MYO9A: variants seen among roughly 807,000 people sequenced by gnomAD.
The protein encoded by MYO9A is myosin IXA.
Under a neutral mutation model 293.3 loss-of-function variants are expected in MYO9A, and 103 were observed. The ratio of observed to expected loss-of-function variants is 0.35; its 90% confidence interval spans 0.30 to 0.41. The LOEUF is 0.41. Among genes scored for constraint, MYO9A ranks in the 10% least tolerant of loss-of-function variants. The pLI, the probability that MYO9A is intolerant of heterozygous loss-of-function variation, is 1.00. For synonymous variants in MYO9A, 1,001 were observed against 1,035.7 expected (o/e 0.97, Z 0.64); for missense variants, 2,685 against 3,033.0 (o/e 0.89, Z 2.69).
At chr15:71,862,889 G>C (rs944827372) in intron 32 of MYO9A, among the ~76,000 whole-genome samples, 5 of 150,926 alleles carry the variant, frequency 3.3e-5, no homozygotes, top group African/African-American at 9.7e-5. Flanking sequence ...TACATTAAAA[G>C]CAGCAGTTCT....
intron 16 of MYO9A, among the ~76,000 whole-genome samples, chr15:71,936,725 T>C (rs1337915036): frequency 1.3e-4 from 20 of 152,070 alleles, no homozygotes; most frequent in Admixed American, 5.2e-4. Context: ...AGAGCATTTA[T>C]TCAAGATATA....
intron 2 of MYO9A, 57 bp from the exon 3 acceptor site, chr15:72,032,645 A>AGG: frequency 8.9e-7 from 1 of 1,120,736 alleles, no homozygotes; most frequent in Non-Finnish European, 1.3e-6. Context: ...TTTTTTTTGG[A>AGG]GGGGGGATTA....
rs992709633 is a variant in MYO9A at position 71,904,157 on chromosome 15, A to T, written c.2767-118T>A. The T allele has an allele frequency of 3.9e-5, 31 of 785,154 alleles. No individual in the cohort carries two copies. In the African/African-American group the frequency reaches 5.2e-4, roughly 13 times the overall value. 48.6% of individuals were successfully genotyped at this position (785,154 alleles called of 1,614,324 possible). A position where few individuals can be genotyped will look rare whatever the true frequency, so the allele number is the denominator to read the frequency against. On this transcript the variant is annotated intron_variant, in intron 20 of 41. Transcript: ENST00000356056. ...ATTGACTGGAGGTTGTCTGGTTAAC[A>T]TATACAGTAACTAAGTATATTAAGG...
intron 1 of MYO9A, among the ~76,000 whole-genome samples, chr15:72,079,034 A>G (rs1029236861): frequency 3.3e-5 from 5 of 152,190 alleles, no homozygotes; most frequent in African/African-American, 1.2e-4. Context: ...ATGATACTGT[A>G]ACGGTACAGA....
chr15:72,059,371 T>TAA (rs1420591592), intron 1 of MYO9A, among the ~76,000 whole-genome samples: 1 of 152,204 alleles, frequency 6.6e-6, no homozygotes, highest in Non-Finnish European at 1.5e-5. Context: ...GCACATTTCT[T>TAA]AGAGGGCTTG....
intron 2 of MYO9A, among the ~76,000 whole-genome samples, chr15:72,039,057 T>C (rs1455618758): frequency 1.3e-5 from 2 of 152,126 alleles, no homozygotes; most frequent in Non-Finnish European, 2.9e-5. Flanking sequence ...ATAGATACAA[T>C]GTGCAGTGGG....
Position 72,100,918 on chromosome 15 carries a change from TG to T in MYO9A, c.-72+16761del, listed in dbSNP as rs557887276. Among the ~76,000 whole-genome samples, 237 of 87,060 alleles carry T rather than the reference TG, an allele frequency of 2.7e-3. 2 individuals carry two copies. The highest frequency in any genetic ancestry group is 0.019 in the Middle Eastern group (2 of 104). The allele number at this position is 87,060 out of a possible 152,430, so 57.1% of individuals were successfully genotyped here. A position where few individuals can be genotyped will look rare whatever the true frequency, so the allele number is the denominator to read the frequency against. ...CCAGCCGCCCGGTCCGGGAGGGAGG[TG>T]GGGGGGGTCAGCCCCCCGCCCGGCC... On this transcript the variant is annotated intron_variant, in intron 1 of 41. Coordinates refer to ENST00000356056, the MANE Select transcript of MYO9A (RefSeq NM_006901.4).
At chr15:72,093,202 C>T (rs191685844) in intron 1 of MYO9A, among the ~76,000 whole-genome samples, 1 of 152,038 alleles carries the variant, frequency 6.6e-6, no homozygotes, top group Non-Finnish European at 1.5e-5. Flanking sequence ...TTGAAAGGGT[C>T]GTATATATGA....
At chr15:72,054,006 G>A (rs1442070576) in intron 1 of MYO9A, among the ~76,000 whole-genome samples, 1 of 151,982 alleles carries the variant, frequency 6.6e-6, no homozygotes, top group East Asian at 1.9e-4. Flanking sequence ...AGACAAAGAT[G>A]GTCAAAGTTT....
intron 35 of MYO9A, 99 bp from the exon 36 acceptor site, chr15:71,852,359 TTTC>T: frequency 6.0e-6 from 7 of 1,175,428 alleles, no homozygotes; most frequent in Admixed American, 3.1e-5. Flanking sequence ...AGGCTTCATG[TTTC>T]TTTTTTTTTT....
rs373254981 is a variant in MYO9A at position 71,916,391 on chromosome 15, G to A, written c.2664C>T (p.Pro888=). 4 of 1,613,098 alleles carry A rather than the reference G, an allele frequency of 2.5e-6. No individual in the cohort carries two copies. Among genetic ancestry groups the A allele is most frequent in the Non-Finnish European group, 3.4e-6 (4 of 1,179,766 alleles). ...LLHLHKKKKP[P]SISAQFQASL... Reference sequence around the variant, plus strand: ...TAACCTGAAACTGGGCACTGATGCTGGGAGGTTTTTTCTTCTTGTGTAAAT... The same window carrying A: ...TAACCTGAAACTGGGCACTGATGCTAGGAGGTTTTTTCTTCTTGTGTAAAT... The change falls in exon 19 of 42, where the codon CCC becomes CCT. Residue 888 remains proline (P), a synonymous_variant. Coordinates refer to ENST00000356056, the MANE Select transcript of MYO9A (RefSeq NM_006901.4).
chr15:72,112,454 C>T (rs188261554), intron 1 of MYO9A, among the ~76,000 whole-genome samples: 28 of 152,296 alleles, frequency 1.8e-4, no homozygotes, highest in Non-Finnish European at 3.1e-4. Context: ...ACTCATAATT[C>T]ATAGGCCATT....
chr15:72,025,149 T>C (rs2077624015), intron 4 of MYO9A, among the ~76,000 whole-genome samples: 1 of 152,078 alleles, frequency 6.6e-6, no homozygotes, highest in Non-Finnish European at 1.5e-5. Context: ...AAAGTTACCA[T>C]GCAAGCAATA....
intron 11 of MYO9A, among the ~76,000 whole-genome samples, chr15:71,984,989 A>G (rs2076373063): frequency 6.6e-6 from 1 of 152,120 alleles, no homozygotes; most frequent in South Asian, 2.1e-4. Context: ...GTACAAACTC[A>G]GCTCACTGCA....
chr15:72,098,691 G>C (rs2080147434), intron 1 of MYO9A, among the ~76,000 whole-genome samples: 3 of 152,078 alleles, frequency 2.0e-5, no homozygotes, highest in Admixed American at 2.0e-4. Context: ...GAAGTGATCA[G>C]GTGTGTGTGG....
At chr15:72,011,292 G>A (rs1391214848) in intron 6 of MYO9A, among the ~76,000 whole-genome samples, 2 of 151,614 alleles carry the variant, frequency 1.3e-5, no homozygotes, top group South Asian at 2.1e-4. Flanking sequence ...AATTACAGGC[G>A]TGAGCCACTG....
intron 23 of MYO9A, 62 bp downstream of exon 23, chr15:71,901,129 G>A: frequency 4.0e-6 from 6 of 1,516,926 alleles, no homozygotes; most frequent in South Asian, 1.3e-5. Flanking sequence ...AAAAGGTTCT[G>A]GTTACTAAAC....
chr15:72,054,336 C>T (rs1020205686), intron 1 of MYO9A, among the ~76,000 whole-genome samples: 2 of 152,088 alleles, frequency 1.3e-5, no homozygotes, highest in Non-Finnish European at 2.9e-5. Context: ...CACAGAGTGG[C>T]AAGTAAGTAG....
intron 5 of MYO9A, 55 bp from the exon 6 acceptor site, chr15:72,019,150 T>A (rs531370719): frequency 1.2e-4 from 174 of 1,424,438 alleles, no homozygotes; most frequent in Middle Eastern, 1.8e-4. Context: ...ACTCTTCTAA[T>A]GATCTCTTAG....
Sources: gnomAD v4.1 joint callset for allele counts (sites outside exome capture counted in the v4.1 genomes callset) on GRCh38, gnomAD v4.1.1 for gene constraint, MANE v1.5 for transcripts, NCBI Gene and HGNC (gene_info 2026-07-23, HGNC 2026-07-21) for gene names.